RPTOR: variants seen among roughly 807,000 people sequenced by gnomAD.
RPTOR encodes regulatory associated protein of MTOR complex 1.
RPTOR carries 21 observed loss-of-function variants against 169.9 expected under a neutral mutation model. That is an observed-to-expected ratio of 0.12 (90% CI 0.09 to 0.18). The LOEUF (loss-of-function observed/expected upper bound fraction) is 0.18, where lower values mean the gene tolerates loss of function less well. Ranked by LOEUF, RPTOR falls within the 10% of genes least tolerant of loss-of-function variation. The pLI, the probability that RPTOR is intolerant of heterozygous loss-of-function variation, is 1.00. For missense variants in RPTOR, 1,133 were observed against 1,855.9 expected (o/e 0.61, Z 7.16); for synonymous variants, 732 against 753.2 (o/e 0.97, Z 0.46).
chr17:80,957,616 C>T lies in RPTOR; in HGVS notation c.3371-8C>T, dbSNP rs1235392068. The T allele has an allele frequency of 1.2e-6, 2 of 1,613,520 alleles. No individual in the cohort carries two copies. Among genetic ancestry groups the T allele is most frequent in the African/African-American group, 1.3e-5 (1 of 75,060 alleles). The stretch of plus-strand genomic sequence containing the variant: ...GGGGTGATGCCATGTCCCACTGTAT[C>T]TCTCCAGGAGCTGGGATGGTGGTGG... On this transcript the variant is annotated splice_polypyrimidine_tract_variant and splice_region_variant and intron_variant, in intron 28 of 33. Coordinates refer to ENST00000306801, the MANE Select transcript of RPTOR (RefSeq NM_020761.3). The surrounding 1 kb of genome is among the most constrained non-coding windows in gnomAD (Gnocchi z 4.6).
At chr17:80,632,374 G>C (rs1050863823) in intron 2 of RPTOR, among the ~76,000 whole-genome samples, 1 of 152,224 alleles carries the variant, frequency 6.6e-6, no homozygotes, top group Non-Finnish European at 1.5e-5. Flanking sequence ...GGTGTCATCT[G>C]AGGATCCAGT....
chr17:80,686,627 G>A (rs1279926717), intron 3 of RPTOR, among the ~76,000 whole-genome samples: 5 of 152,212 alleles, frequency 3.3e-5, no homozygotes, highest in Admixed American at 2.6e-4. Flanking sequence ...TCTCGGCAGC[G>A]TATCCATCTC....
chr17:80,800,938 C>T (rs1242624688), intron 7 of RPTOR, among the ~76,000 whole-genome samples: 1 of 152,180 alleles, frequency 6.6e-6, no homozygotes, highest in Non-Finnish European at 1.5e-5. Context: ...ATAAGTGAGT[C>T]TCTGTGTGCT....
chr17:80,827,586 T>C (rs117106179), intron 9 of RPTOR, among the ~76,000 whole-genome samples: 12 of 152,280 alleles, frequency 7.9e-5, no homozygotes, highest in Non-Finnish European at 1.5e-4. Context: ...AGGTCCCACC[T>C]GCACCCCCAG....
At chr17:80,904,641 A>G (rs113546998) in intron 20 of RPTOR, among the ~76,000 whole-genome samples, 67 of 152,298 alleles carry the variant, frequency 4.4e-4, no homozygotes, top group African/African-American at 1.5e-3. Context: ...TCTAAGCTCA[A>G]CATCCCCGGT....
intron 9 of RPTOR, among the ~76,000 whole-genome samples, chr17:80,834,375 T>G (rs2067540124): frequency 6.6e-6 from 1 of 152,108 alleles, no homozygotes. Context: ...TCCACAGCCC[T>G]GGGTAGCCGG....
At chr17:80,891,277 C>G (rs563372161) in intron 17 of RPTOR, among the ~76,000 whole-genome samples, 2 of 152,372 alleles carry the variant, frequency 1.3e-5, no homozygotes, top group South Asian at 4.1e-4. Context: ...TTCGGCTTGT[C>G]CGCTGCACTC....
At chr17:80,644,176 G>A (rs900771247) in intron 3 of RPTOR, among the ~76,000 whole-genome samples, 24 of 152,114 alleles carry the variant, frequency 1.6e-4, no homozygotes, top group African/African-American at 5.5e-4. Flanking sequence ...ACGCTATTCC[G>A]CGTGTCTTCA....
chr17:80,920,905 G>A (rs972594670), intron 21 of RPTOR, among the ~76,000 whole-genome samples: 3 of 152,212 alleles, frequency 2.0e-5, no homozygotes, highest in Admixed American at 1.3e-4. Flanking sequence ...TCTGTGGGAT[G>A]GTTGTATGTG....
chr17:80,902,162 C>T (rs750123317), intron 20 of RPTOR, among the ~76,000 whole-genome samples: 75 of 152,346 alleles, frequency 4.9e-4, no homozygotes, highest in Non-Finnish European at 9.1e-4. Flanking sequence ...CACCAGGCCT[C>T]GTTGCCCTGG....
intron 1 of RPTOR, among the ~76,000 whole-genome samples, chr17:80,569,493 CCAGCCTGGGCAA>C (rs577186658): frequency 2.5e-3 from 380 of 152,092 alleles, no homozygotes; most frequent in Middle Eastern, 3.4e-3. Flanking sequence ...CCATTGTACT[CCAGCCTGGGCAA>C]CAGAGCGAGA....
chr17:80,860,810 CT>C lies in RPTOR; in HGVS notation c.1509+2915del, dbSNP rs981936159. On this transcript the variant is annotated intron_variant, in intron 13 of 33. Transcript: ENST00000306801. The surrounding 1 kb of genome is among the most constrained non-coding windows in gnomAD (Gnocchi z 5.8). ...TCTTCCGGTTCTGGGATCTCTCACT[CT>C]TTTTCTGGGCCTGGGGCACTGACCA... 6.6e-6 allele frequency among the ~76,000 whole-genome samples: 1 copy of C among 152,056 alleles called. No homozygotes were observed. The highest frequency in any genetic ancestry group is 1.5e-5 in the Non-Finnish European group (1 of 68,022).
At chr17:80,636,242 G>A (rs933236524) in intron 2 of RPTOR, among the ~76,000 whole-genome samples, 2 of 151,922 alleles carry the variant, frequency 1.3e-5, no homozygotes, top group African/African-American at 2.4e-5. Flanking sequence ...CCTCACCTCC[G>A]CCGCCCCAAC....
chr17:80,734,706 A>G (rs563390941), intron 5 of RPTOR, among the ~76,000 whole-genome samples: 292 of 152,230 alleles, frequency 1.9e-3, no homozygotes, highest in Non-Finnish European at 3.2e-3. Context: ...GGGAAGGGGC[A>G]GTGCTGGCCA....
chr17:80,731,699 T>C (rs574505963), intron 5 of RPTOR, among the ~76,000 whole-genome samples: 10 of 152,308 alleles, frequency 6.6e-5, no homozygotes, highest in Admixed American at 1.3e-4. Flanking sequence ...CTGGTTGCAG[T>C]ATAGGAAATT....
At chr17:80,740,849 T>C (rs894048925) in intron 5 of RPTOR, among the ~76,000 whole-genome samples, 10 of 152,172 alleles carry the variant, frequency 6.6e-5, no homozygotes, top group African/African-American at 1.4e-4. Flanking sequence ...CCCCTTAAGA[T>C]TGGAAGCAAG....
chr17:80,598,882 TTCTATCTATCTATCTA>T lies in RPTOR; in HGVS notation c.163-26777_163-26762del, dbSNP rs57535540. Among the ~76,000 whole-genome samples, 890 of 146,872 alleles carry T rather than the reference TTCTATCTATCTATCTA, an allele frequency of 6.1e-3. 15 individuals carry two copies. Among genetic ancestry groups the T allele is most frequent in the East Asian group, 0.037 (182 of 4,958 alleles). ...ATTGACCTTAAACTTTCTTGATTCT[TTCTATCTATCTATCTA>T]TCTATCTATCTATCTATCTATCTAT... On this transcript the variant is annotated intron_variant, in intron 1 of 33. Coordinates refer to ENST00000306801, the MANE Select transcript of RPTOR (RefSeq NM_020761.3).
At chr17:80,598,175 C>T (rs936617832) in intron 1 of RPTOR, among the ~76,000 whole-genome samples, 5 of 151,710 alleles carry the variant, frequency 3.3e-5, no homozygotes, top group South Asian at 4.2e-4. Flanking sequence ...AGATGTGGGG[C>T]GTGTGGAAGG....
intron 17 of RPTOR, among the ~76,000 whole-genome samples, chr17:80,887,893 T>C (rs941084951): frequency 6.6e-6 from 1 of 152,170 alleles, no homozygotes; most frequent in Non-Finnish European, 1.5e-5. Context: ...TCAACCTGTC[T>C]TTGAAGTACA....
Sources: gnomAD v4.1 joint callset for allele counts (sites outside exome capture counted in the v4.1 genomes callset) on GRCh38, gnomAD v4.1.1 for gene constraint, Gnocchi (gnomAD v3.1) non-coding constraint, MANE v1.5 for transcripts, NCBI Gene and HGNC (gene_info 2026-07-23, HGNC 2026-07-21) for gene names.